RBM47: variants seen among roughly 807,000 people sequenced by gnomAD.
The protein encoded by RBM47 is RNA binding motif protein 47, also known as RNA-binding protein 47.
RBM47 carries 21 observed loss-of-function variants against 47.1 expected under a neutral mutation model. The ratio of observed to expected loss-of-function variants is 0.45; its 90% CI spans 0.32 to 0.64. The LOEUF is 0.64. Ranked by LOEUF, RBM47 falls within the 30% of genes least tolerant of loss-of-function variation. The pLI, the probability that RBM47 is intolerant of heterozygous loss-of-function variation, is 0.05. For missense variants in RBM47, 708 were observed against 870.9 expected, an observed-to-expected ratio of 0.81 and a Z score of 2.35; for synonymous variants, 375 against 361.7, an observed-to-expected ratio of 1.04 and a Z score of -0.42.
At chr4:40,434,273 C>T (rs971324476) in intron 5 of RBM47, among the ~76,000 whole-genome samples, 3 of 152,158 alleles carry the variant, frequency 2.0e-5, no homozygotes, top group African/African-American at 4.8e-5. Flanking sequence ...TGCCCAGATA[C>T]TTCACCACCA....
At chr4:40,482,570 T>C (rs1720580599) in intron 2 of RBM47, among the ~76,000 whole-genome samples, 1 of 152,206 alleles carries the variant, frequency 6.6e-6, no homozygotes, top group Non-Finnish European at 1.5e-5. Flanking sequence ...TTATTTACAA[T>C]TGCATCAGGT....
intron 6 of RBM47, among the ~76,000 whole-genome samples, chr4:40,432,136 G>A (rs1716211669): frequency 6.6e-6 from 1 of 151,986 alleles, no homozygotes; most frequent in Non-Finnish European, 1.5e-5. Context: ...TTACAGGCAT[G>A]AGCCACTGTA....
chr4:40,562,008 C>T (rs895551182), intron 1 of RBM47, among the ~76,000 whole-genome samples: 1 of 152,152 alleles, frequency 6.6e-6, no homozygotes, highest in African/African-American at 2.4e-5. Flanking sequence ...TCTCAAATAG[C>T]CCATGTGACT....
chr4:40,566,992 C>T lies in RBM47; in HGVS notation c.-239-22486G>A, dbSNP rs144071097. 1.4e-3 allele frequency among the ~76,000 whole-genome samples: 217 copies of T among 151,780 alleles called. 2 individuals are homozygous for T. Among genetic ancestry groups the T allele is most frequent in the African/African-American group, 5.0e-3 (208 of 41,434 alleles). ...TTATCCTCTCTTTTTTTTCTCTATC[C>T]TTGTTCCTGTGCCCTGGGCTTGCTC... On this transcript the variant is annotated intron_variant, in intron 1 of 6. Transcript: ENST00000295971.
intron 2 of RBM47, among the ~76,000 whole-genome samples, chr4:40,501,172 T>C (rs1361055361): frequency 6.6e-6 from 1 of 152,136 alleles, no homozygotes; most frequent in Non-Finnish European, 1.5e-5. Flanking sequence ...AAATAAAACA[T>C]AGGAAAACAG....
chr4:40,583,489 T>A (rs887271542), intron 1 of RBM47, among the ~76,000 whole-genome samples: 24 of 149,924 alleles, frequency 1.6e-4, no homozygotes, highest in Non-Finnish European at 3.4e-4. Flanking sequence ...ACTCCTGGCC[T>A]CAGGAGTTCA....
At chr4:40,486,274 A>G (rs556229355) in intron 2 of RBM47, among the ~76,000 whole-genome samples, 1 of 152,140 alleles carries the variant, frequency 6.6e-6, no homozygotes, top group African/African-American at 2.4e-5. Flanking sequence ...ACAAACTACA[A>G]TTAGGAGTGT....
At chr4:40,499,320 T>C (rs1723045207) in intron 2 of RBM47, among the ~76,000 whole-genome samples, 1 of 152,238 alleles carries the variant, frequency 6.6e-6, no homozygotes, top group African/African-American at 2.4e-5. Context: ...AGCACCCCTA[T>C]TTCATTAAAA....
chr4:40,547,030 G>C (rs1053587827), intron 1 of RBM47, among the ~76,000 whole-genome samples: 3 of 152,198 alleles, frequency 2.0e-5, no homozygotes, highest in African/African-American at 7.2e-5. Context: ...GTAGAGATCA[G>C]GTGTTTGAGC....
At chr4:40,576,554 G>A (rs1243737925) in intron 1 of RBM47, among the ~76,000 whole-genome samples, 1 of 152,024 alleles carries the variant, frequency 6.6e-6, no homozygotes, top group Non-Finnish European at 1.5e-5. Flanking sequence ...ACATCACAAT[G>A]AGAAATCATT....
At position 40,425,959 on chromosome 4, in the gene RBM47, G is replaced by C; in HGVS notation, c.1727C>G (p.Ala576Gly). 1 of 1,614,202 alleles carries C rather than the reference G, an allele frequency of 6.2e-7. No individual in the cohort carries two copies. Among genetic ancestry groups the C allele is most frequent in the East Asian group, 2.2e-5 (1 of 44,884 alleles). Reference sequence around the variant, plus strand: ...GACCTGAATGGCAGCAGCAGGGAAGGCCTGAGGTATGTAGCCTGCGTATCC... The same window carrying C: ...GACCTGAATGGCAGCAGCAGGGAAGCCCTGAGGTATGTAGCCTGCGTATCC... ...YGGYAGYIPQ[A>G]FPAAAIQVPI... Residue 576 changes from alanine (A) to glycine (G), a missense_variant, in exon 7 of 7, where the codon GCC becomes GGC. Physicochemically the swap from Ala to Gly is moderately conservative, Grantham distance 60. Coordinates refer to ENST00000295971, the MANE Select transcript of RBM47 (RefSeq NM_001098634.2).
rs147352316 is a variant in RBM47 at position 40,600,916 on chromosome 4, C to A, written c.-240+28480G>T. On this transcript the variant is annotated intron_variant, in intron 1 of 6. Transcript: ENST00000295971. ...AGGAGAATCGCTTGAACCCGGGAGG[C>A]GGAGTTTGCGGTAAGCCAAGATCGC... 5.5e-3 allele frequency among the ~76,000 whole-genome samples: 736 copies of A among 133,066 alleles called. 5 individuals are homozygous for A. Among genetic ancestry groups the A allele is most frequent in the African/African-American group, 0.019 (702 of 36,116 alleles). 87.3% of individuals were successfully genotyped at this position (133,066 alleles called of 152,430 possible).
chr4:40,425,177 T>C lies in RBM47; in HGVS notation c.*727A>G, dbSNP rs1444873415. 3 of 152,598 alleles carry C rather than the reference T, an allele frequency of 2.0e-5. No individual in the cohort carries two copies. Among genetic ancestry groups the C allele is most frequent in the Non-Finnish European group, 2.9e-5 (2 of 68,066 alleles). The allele number at this position is 152,598 out of a possible 1,614,324, so 9.5% of individuals were successfully genotyped here. On this transcript the variant is annotated 3_prime_UTR_variant, in exon 7 of 7. Transcript: ENST00000295971. ...GGGGCATGTTTAAGGCTAAGGCACA[T>C]GGAGAATGAGCCCCGGCTAACGGTG...
chr4:40,469,881 G>A (rs1336917236), intron 2 of RBM47, among the ~76,000 whole-genome samples: 1 of 151,924 alleles, frequency 6.6e-6, no homozygotes, highest in East Asian at 1.9e-4. Context: ...GCGATCTGCT[G>A]GCCTCGGCCT....
chr4:40,583,386 CAGAAAA>C (rs1733163717), intron 1 of RBM47, among the ~76,000 whole-genome samples: 1 of 41,576 alleles, frequency 2.4e-5, no homozygotes, highest in African/African-American at 1.5e-4. Flanking sequence ...TACTCCATCT[CAGAAAA>C]AAAAAAAAAA....
chr4:40,440,407 A>G (rs1713437082), intron 3 of RBM47, among the ~76,000 whole-genome samples: 1 of 152,198 alleles, frequency 6.6e-6, no homozygotes, highest in South Asian at 2.1e-4. Context: ...TAATGGCCAT[A>G]TAAGGTTTCA....
chr4:40,455,358 C>G (rs183183475), intron 3 of RBM47: 1 of 152,326 alleles, frequency 6.6e-6, no homozygotes, highest in East Asian at 1.9e-4. Context: ...CTTGACTGTA[C>G]TACTTGAAAA....
chr4:40,581,434 T>TAATAATA (rs1732918274), intron 1 of RBM47, among the ~76,000 whole-genome samples: 1 of 138,988 alleles, frequency 7.2e-6, no homozygotes, highest in African/African-American at 2.8e-5. Flanking sequence ...AAAAAAGTAA[T>TAATAATA]AATAAATAAA....
At chr4:40,445,403 C>G (rs1368476207) in intron 3 of RBM47, among the ~76,000 whole-genome samples, 1 of 152,098 alleles carries the variant, frequency 6.6e-6, no homozygotes, top group Admixed American at 6.5e-5. Flanking sequence ...AGGTTGTTGG[C>G]TCAGCTCCTG....
Sources: allele counts gnomAD v4.1 joint callset (sites outside exome capture counted in the v4.1 genomes callset), GRCh38; gene constraint gnomAD v4.1.1; transcripts MANE v1.5; gene names NCBI Gene and HGNC (gene_info 2026-07-23, HGNC 2026-07-21).